UNC13C: variants seen among roughly 807,000 people sequenced by gnomAD.
The protein encoded by UNC13C is protein unc-13 homolog C.
Under a neutral mutation model 245.4 loss-of-function variants are expected in UNC13C, and 174 were observed. The ratio of observed to expected loss-of-function variants is 0.71; its 90% CI spans 0.63 to 0.80. The LOEUF (loss-of-function observed/expected upper bound fraction) is 0.80, where lower values mean the gene tolerates loss of function less well. UNC13C is among the 30% of genes least tolerant of loss of function. The pLI is 0.00. For synonymous variants in UNC13C, 992 were observed against 895.1 expected (o/e 1.11, Z -1.93); for missense variants, 2,829 against 2,602.9 (o/e 1.09, Z -1.89).
chr15:53,848,955 C>T, the UNC13C span, among the ~76,000 whole-genome samples: 1 of 151,908 alleles, frequency 6.6e-6, no homozygotes, highest in African/African-American at 2.4e-5. Context: ...AGAACAACAC[C>T]AGGTTCCTTC....
At chr15:54,059,870 G>T (rs555778165) in intron 2 of UNC13C, among the ~76,000 whole-genome samples, 1 of 152,284 alleles carries the variant, frequency 6.6e-6, no homozygotes, top group South Asian at 2.1e-4. Flanking sequence ...ATGGGGAAAG[G>T]ATTCCCTATT....
At chr15:54,619,040 C>T (rs1408278415) in intron 30 of UNC13C, among the ~76,000 whole-genome samples, 1 of 151,898 alleles carries the variant, frequency 6.6e-6, no homozygotes, top group African/African-American at 2.4e-5. Context: ...CAGTGTTTGC[C>T]TCTTTCTTCT....
intron 26 of UNC13C, among the ~76,000 whole-genome samples, chr15:54,546,134 C>T (rs1333730846): frequency 6.6e-6 from 1 of 152,164 alleles, no homozygotes; most frequent in Non-Finnish European, 1.5e-5. Flanking sequence ...GAATACCATG[C>T]AGCCATGAAA....
At chr15:54,432,789 A>C (rs558405065) in intron 19 of UNC13C, among the ~76,000 whole-genome samples, 1 of 152,066 alleles carries the variant, frequency 6.6e-6, no homozygotes, top group Admixed American at 6.6e-5. Context: ...AAAACACTTC[A>C]AAAAAATCAA....
chr15:54,168,733 G>A (rs2033276499), intron 4 of UNC13C, among the ~76,000 whole-genome samples: 1 of 152,086 alleles, frequency 6.6e-6, no homozygotes, highest in Admixed American at 6.6e-5. Flanking sequence ...ATTTTAAATA[G>A]AGTTCTAGGA....
intron 2 of UNC13C, among the ~76,000 whole-genome samples, chr15:54,051,872 T>C (rs1354543618): frequency 6.9e-6 from 1 of 145,508 alleles, no homozygotes; most frequent in Non-Finnish European, 1.5e-5. Flanking sequence ...TAACTCGTCA[T>C]CTAGCATTAG....
chr15:54,001,922 T>C (rs1894907203), intron 1 of UNC13C, among the ~76,000 whole-genome samples: 1 of 152,212 alleles, frequency 6.6e-6, no homozygotes, highest in Admixed American at 6.5e-5. Flanking sequence ...AGGATGCAAA[T>C]GCTCCGTGAT....
At chr15:53,930,800 C>T in the UNC13C span, among the ~76,000 whole-genome samples, 4 of 152,162 alleles carry the variant, frequency 2.6e-5, no homozygotes, top group Non-Finnish European at 5.9e-5. Flanking sequence ...CAGCCATAAA[C>T]AGCCAGACAT....
intron 19 of UNC13C, among the ~76,000 whole-genome samples, chr15:54,477,902 A>C (rs1470500889): frequency 6.7e-6 from 1 of 148,422 alleles, no homozygotes; most frequent in Non-Finnish European, 1.5e-5. Flanking sequence ...TCCTCCTTGT[A>C]CCTCTGGTAG....
chr15:54,012,026 T>C (rs1798055760), intron 1 of UNC13C, among the ~76,000 whole-genome samples: 1 of 152,226 alleles, frequency 6.6e-6, no homozygotes, highest in African/African-American at 2.4e-5. Flanking sequence ...TTAAGTTCAA[T>C]TCAACAAAAC....
At chr15:54,626,173 C>G (rs868271034) in intron 32 of UNC13C, among the ~76,000 whole-genome samples, 2 of 108,404 alleles carry the variant, frequency 1.8e-5, no homozygotes, top group Non-Finnish European at 4.4e-5. Flanking sequence ...ACTTGGCCTT[C>G]TTTATTATGT....
chr15:54,353,133 A>G (rs1314063325), intron 17 of UNC13C, among the ~76,000 whole-genome samples: 2 of 152,212 alleles, frequency 1.3e-5, no homozygotes, highest in Non-Finnish European at 2.9e-5. Flanking sequence ...CCAAACACTA[A>G]GAATAAGAGA....
intron 30 of UNC13C, among the ~76,000 whole-genome samples, chr15:54,579,533 C>T (rs982897935): frequency 3.3e-5 from 5 of 151,928 alleles, no homozygotes; most frequent in African/African-American, 4.8e-5. Context: ...CCGAGGCAGG[C>T]AGATCACGAG....
intron 1 of UNC13C, among the ~76,000 whole-genome samples, chr15:54,012,369 C>T (rs1253817826): frequency 1.3e-5 from 2 of 152,114 alleles, no homozygotes; most frequent in Admixed American, 6.6e-5. Context: ...TGTCGTATTA[C>T]TCAATGTTTT....
chr15:53,868,234 C>A, the UNC13C span, among the ~76,000 whole-genome samples: 1 of 152,192 alleles, frequency 6.6e-6, no homozygotes, highest in African/African-American at 2.4e-5. Context: ...TGCAGGCAGG[C>A]TGTTGGGAGT....
rs769202917 is a variant in UNC13C, at chr15:54,015,873, G to T, written c.2970G>T (p.Lys990Asn). 3 of 1,587,094 alleles carry T rather than the reference G, an allele frequency of 1.9e-6. No individual in the cohort carries two copies. The highest frequency in any genetic ancestry group is 1.4e-5 in the African/African-American group (1 of 73,596). Residue 990 changes from lysine (K) to asparagine (N), a missense_variant, in exon 2 of 33, where the codon AAG becomes AAT. Physicochemically the swap from Lys to Asn is moderately conservative, Grantham distance 94. Transcript: ENST00000260323. Reference protein sequence around the residue: ...YKKQMAELEEKILAGDSSSVD... With the variant: ...YKKQMAELEENILAGDSSSVD... ...AGCAAATGGCAGAGTTGGAAGAGAA[G>T]ATCTTGGCTGGAGGTATTCATGTTT...
the UNC13C span, among the ~76,000 whole-genome samples, chr15:53,884,517 G>C: frequency 6.6e-6 from 1 of 152,058 alleles, no homozygotes; most frequent in African/African-American, 2.4e-5. Flanking sequence ...TTATATTTTT[G>C]GAGAAATGGG....
the UNC13C span, chr15:53,911,951 A>G: frequency 6.6e-6 from 1 of 152,260 alleles, no homozygotes; most frequent in Non-Finnish European, 1.5e-5. Context: ...GACTATTGCT[A>G]TGGCAGCCCT....
chr15:54,314,613 G>T (rs539271540), intron 13 of UNC13C, among the ~76,000 whole-genome samples: 1 of 151,572 alleles, frequency 6.6e-6, no homozygotes, highest in African/African-American at 2.4e-5. Flanking sequence ...GGAAAGAAAT[G>T]TTTAATTATG....
Sources: allele counts gnomAD v4.1 joint callset (sites outside exome capture counted in the v4.1 genomes callset), GRCh38; gene constraint gnomAD v4.1.1; transcripts MANE v1.5; gene names NCBI Gene and HGNC (gene_info 2026-07-23, HGNC 2026-07-21).